ADK: variants seen among roughly 807,000 people sequenced by gnomAD.
ADK encodes adenosine kinase.
ADK carries 24 observed loss-of-function variants against 44.7 expected under a neutral mutation model. The ratio of observed to expected loss-of-function variants is 0.54; its 90% CI spans 0.39 to 0.76. The LOEUF (loss-of-function observed/expected upper bound fraction) is 0.76, where lower values mean the gene tolerates loss of function less well. ADK is among the 30% of genes least tolerant of loss of function. The pLI is 0.00. For missense variants in ADK, 321 were observed against 425.1 expected (o/e 0.76, Z 2.15); for synonymous variants, 128 against 142.6 (o/e 0.90, Z 0.73).
At chr10:74,209,885 A>G (rs374529460) in intron 2 of ADK, among the ~76,000 whole-genome samples, 3 of 152,312 alleles carry the variant, frequency 2.0e-5, no homozygotes, top group Admixed American at 1.3e-4. Flanking sequence ...TTATGGAGGT[A>G]TGTATTAATA....
chr10:74,321,246 T>C (rs1840797496), intron 4 of ADK, among the ~76,000 whole-genome samples: 1 of 152,144 alleles, frequency 6.6e-6, no homozygotes, highest in African/African-American at 2.4e-5. Context: ...TCATTTTTTT[T>C]CCTGTAATTA....
intron 4 of ADK, among the ~76,000 whole-genome samples, chr10:74,366,012 A>C (rs1053452668): frequency 1.3e-5 from 2 of 152,168 alleles, no homozygotes; most frequent in Non-Finnish European, 1.5e-5. Context: ...CCATGCATAC[A>C]TCTTTTTGGG....
chr10:74,367,960 A>G (rs1025753800), intron 4 of ADK, among the ~76,000 whole-genome samples: 1 of 152,240 alleles, frequency 6.6e-6, no homozygotes, highest in Non-Finnish European at 1.5e-5. Context: ...ATGAAGTATC[A>G]ATATCTGTAT....
chr10:74,675,319 T>A (rs925291607), intron 10 of ADK, among the ~76,000 whole-genome samples: 1 of 152,222 alleles, frequency 6.6e-6, no homozygotes, highest in African/African-American at 2.4e-5. Context: ...ATGTATAATT[T>A]AAAAATGAGT....
chr10:74,176,776 C>T, intron 1 of ADK: 6 of 1,580,218 alleles, frequency 3.8e-6, no homozygotes, highest in Non-Finnish European at 3.4e-6. Flanking sequence ...CGCTGAGTGC[C>T]TGAGCCGGGA....
At chr10:74,702,552 C>CTTCCTTCCTTCCTTCT (rs1554900300) in intron 10 of ADK, among the ~76,000 whole-genome samples, 46 of 149,542 alleles carry the variant, frequency 3.1e-4, no homozygotes, top group Non-Finnish European at 5.5e-4. Flanking sequence ...TCCTTCCTTC[C>CTTCCTTCCTTCCTTCT]TTCCTTCCTT....
intron 4 of ADK, among the ~76,000 whole-genome samples, chr10:74,316,255 A>AG (rs1272911796): frequency 6.6e-6 from 1 of 150,874 alleles, no homozygotes; most frequent in East Asian, 1.9e-4. Flanking sequence ...AAAAAAAGAG[A>AG]GAAAAAAAGG....
In ADK at chr10:74,573,822, A is replaced by G. The variant is rs191803959; in HGVS notation, c.727-15460A>G. 9.5e-3 allele frequency among the ~76,000 whole-genome samples: 1,440 copies of G among 152,308 alleles called. 26 individuals carry two copies. The highest frequency in any genetic ancestry group is 0.033 in the African/African-American group (1,356 of 41,566). ...GGACCCTCCGAGCCAGGTGCGGGAT[A>G]TAATCTCCTGGTGCGCCATTTTTTA... On this transcript the variant is annotated intron_variant, in intron 7 of 10. Transcript: ENST00000539909.
chr10:74,233,686 A>AT (rs1366001829), intron 3 of ADK, among the ~76,000 whole-genome samples: 13 of 152,138 alleles, frequency 8.5e-5, no homozygotes, highest in Admixed American at 7.2e-4. Flanking sequence ...CTCCGATATC[A>AT]TTTTGGGTTT....
intron 8 of ADK, among the ~76,000 whole-genome samples, chr10:74,599,756 T>A (rs551705193): frequency 1.5e-3 from 224 of 152,338 alleles, no homozygotes; most frequent in Non-Finnish European, 2.6e-3. Flanking sequence ...ACAATTAGTT[T>A]GTCATTTTTT....
At chr10:74,205,973 A>G (rs1029049329) in intron 2 of ADK, among the ~76,000 whole-genome samples, 6 of 152,220 alleles carry the variant, frequency 3.9e-5, no homozygotes, top group Non-Finnish European at 7.3e-5. Flanking sequence ...ATTGTATGTC[A>G]GTTATATATC....
intron 6 of ADK, among the ~76,000 whole-genome samples, chr10:74,403,071 C>T (rs1036200484): frequency 1.1e-4 from 16 of 152,184 alleles, no homozygotes; most frequent in Non-Finnish European, 2.2e-4. Flanking sequence ...TATTGCAGAA[C>T]AGCAAATGTT....
intron 2 of ADK, 133 bp from the exon 3 acceptor site, chr10:74,224,405 G>A (rs931804490): frequency 2.8e-6 from 2 of 720,096 alleles, no homozygotes; most frequent in Admixed American, 4.2e-5. Context: ...CCGTCTACTT[G>A]GGCATTCTTG....
chr10:74,191,298 G>T (rs1176548024), intron 1 of ADK, among the ~76,000 whole-genome samples: 2 of 150,890 alleles, frequency 1.3e-5, no homozygotes, highest in Non-Finnish European at 2.9e-5. Flanking sequence ...ACATTTTTTT[G>T]CCAGTGTTCT....
intron 10 of ADK, among the ~76,000 whole-genome samples, chr10:74,692,044 C>G (rs574965633): frequency 6.6e-6 from 1 of 152,158 alleles, no homozygotes; most frequent in Non-Finnish European, 1.5e-5. Context: ...TAAAAACTTA[C>G]GTCTTCACAA....
intron 4 of ADK, among the ~76,000 whole-genome samples, chr10:74,392,665 C>T (rs1224663040): frequency 2.0e-5 from 3 of 152,010 alleles, no homozygotes; most frequent in Admixed American, 6.6e-5. Context: ...TCTATTTTTG[C>T]TTTTGTTGCC....
At chr10:74,675,619 T>G (rs1371822258) in intron 10 of ADK, among the ~76,000 whole-genome samples, 1 of 152,210 alleles carries the variant, frequency 6.6e-6, no homozygotes, top group Non-Finnish European at 1.5e-5. Flanking sequence ...GGAAAAAATT[T>G]CTTCCTGTTG....
At position 74,350,769 on chromosome 10, in the gene ADK, C is replaced by T. The variant is rs186359799; in HGVS notation, c.273+36024C>T. Among the ~76,000 whole-genome samples the T allele has an allele frequency of 3.2e-3, 482 of 152,280 alleles. 5 individuals carry two copies. The highest frequency in any genetic ancestry group is 0.011 in the African/African-American group (452 of 41,552). ...TTCTCAGAGAAATACAAACTACCAACAGAGAATACTATAAACACCTCTATG... is the reference window on the plus strand; with the variant it reads ...TTCTCAGAGAAATACAAACTACCAATAGAGAATACTATAAACACCTCTATG... On this transcript the variant is annotated intron_variant, in intron 4 of 10. Coordinates refer to ENST00000539909, the MANE Select transcript of ADK (RefSeq NM_006721.4).
At chr10:74,654,821 G>GAA (rs11354070) in intron 9 of ADK, 3 of 136,758 alleles carry the variant, frequency 2.2e-5, no homozygotes, top group Non-Finnish European at 4.9e-5. Context: ...TGTCTCAATA[G>GAA]AAAAAAAAAA....
Sources: gnomAD v4.1 joint callset for allele counts (sites outside exome capture counted in the v4.1 genomes callset) on GRCh38, gnomAD v4.1.1 for gene constraint, MANE v1.5 for transcripts, NCBI Gene and HGNC (gene_info 2026-07-23, HGNC 2026-07-21) for gene names.